CNTNAP2: variants seen among roughly 807,000 people sequenced by gnomAD.
CNTNAP2 encodes the protein contactin-associated protein-like 2.
A neutral mutation model predicts 155.2 loss-of-function variants in CNTNAP2; 98 were observed. The observed-to-expected ratio is 0.63, with a 90% CI of 0.54 to 0.75. The LOEUF is 0.75. Among genes scored for constraint, CNTNAP2 ranks in the 30% least tolerant of loss-of-function variants. The pLI is 0.00. For missense variants in CNTNAP2, 1,727 were observed against 1,688.1 expected, an observed-to-expected ratio of 1.02 and a Z score of -0.40; for synonymous variants, 651 against 631.2, an observed-to-expected ratio of 1.03 and a Z score of -0.47.
At chr7:148,399,471 T>C (rs1799539081) in intron 22 of CNTNAP2, among the ~76,000 whole-genome samples, 1 of 152,150 alleles carries the variant, frequency 6.6e-6, no homozygotes, top group Non-Finnish European at 1.5e-5. Context: ...TTTAAACGCA[T>C]CCATAGCATC....
intron 1 of CNTNAP2, among the ~76,000 whole-genome samples, chr7:146,697,246 TA>T (rs367715443): frequency 0.076 from 11,254 of 148,732 alleles, 1,424 homozygotes; most frequent in African/African-American, 0.26. Context: ...TTTATTTATT[TA>T]TTTATTTTGA....
rs1402005325 is a variant in CNTNAP2, at chr7:146,569,566, C to T, written c.98-204705C>T. 2.0e-5 allele frequency among the ~76,000 whole-genome samples: 3 copies of T among 152,170 alleles called. No individual in the cohort carries two copies. The East Asian group carries it at 5.8e-4, about 29-fold the overall frequency. On this transcript the variant is annotated intron_variant, in intron 1 of 23. Coordinates refer to ENST00000361727, the MANE Select transcript of CNTNAP2 (RefSeq NM_014141.6). The stretch of plus-strand genomic sequence containing the variant: ...TCCAACGCTCTGATTATTAGCTCAG[C>T]ACCTCTATGGTATTATAGTTCTTTT...
intron 1 of CNTNAP2, among the ~76,000 whole-genome samples, chr7:146,297,632 A>T (rs1327418599): frequency 6.6e-6 from 1 of 152,170 alleles, no homozygotes; most frequent in African/African-American, 2.4e-5. Context: ...TATGATAAGG[A>T]TTCCATGTAG....
chr7:146,328,896 A>G lies in CNTNAP2; in HGVS notation c.97+211923A>G, dbSNP rs549036270. ...TTTTTTACTACCGAATAATATTCTA[A>G]AGTTTCTATACCACATTTTCTTTAC... On this transcript the variant is annotated intron_variant, in intron 1 of 23. Coordinates refer to ENST00000361727, the MANE Select transcript of CNTNAP2 (RefSeq NM_014141.6). Among the ~76,000 whole-genome samples, 3 of 152,312 alleles carry G rather than the reference A, an allele frequency of 2.0e-5. No homozygotes were observed. The East Asian group carries it at 5.8e-4, about 29-fold the overall frequency.
At chr7:147,820,477 T>A (rs1798344507) in intron 13 of CNTNAP2, among the ~76,000 whole-genome samples, 1 of 152,138 alleles carries the variant, frequency 6.6e-6, no homozygotes, top group Non-Finnish European at 1.5e-5. Context: ...CTATTTATTT[T>A]CTTAGTGGTA....
At chr7:146,126,526 T>C (rs34058088) in intron 1 of CNTNAP2, among the ~76,000 whole-genome samples, 8,314 of 152,302 alleles carry the variant, frequency 0.055, 251 homozygotes, top group Middle Eastern at 0.11. Flanking sequence ...AATAGTCATG[T>C]AGTGAAAACA....
intron 3 of CNTNAP2, among the ~76,000 whole-genome samples, chr7:146,881,845 T>C (rs1179442043): frequency 6.6e-6 from 1 of 151,004 alleles, no homozygotes; most frequent in East Asian, 2.0e-4. Context: ...AGGGGATACA[T>C]ATGCAGCTTT....
intron 14 of CNTNAP2, among the ~76,000 whole-genome samples, chr7:147,950,991 A>G (rs1800920413): frequency 6.6e-6 from 1 of 152,196 alleles, no homozygotes; most frequent in Admixed American, 6.5e-5. Flanking sequence ...TCTTCATCCA[A>G]CTTAGGATAT....
intron 1 of CNTNAP2, among the ~76,000 whole-genome samples, chr7:146,202,723 A>G (rs932444938): frequency 2.0e-5 from 3 of 152,174 alleles, no homozygotes; most frequent in African/African-American, 7.2e-5. Context: ...AATAATATAC[A>G]AATTAAATCT....
chr7:148,198,119 G>A (rs969726712), intron 18 of CNTNAP2, among the ~76,000 whole-genome samples: 43 of 152,160 alleles, frequency 2.8e-4, no homozygotes, highest in African/African-American at 1.0e-3. Context: ...GAAGCCTGAG[G>A]GTGGCTGGTT....
chr7:146,325,427 C>T (rs1801081202), intron 1 of CNTNAP2, among the ~76,000 whole-genome samples: 1 of 152,146 alleles, frequency 6.6e-6, no homozygotes, highest in South Asian at 2.1e-4. Flanking sequence ...ATAGGTATTT[C>T]TCCGGCCAAT....
intron 1 of CNTNAP2, among the ~76,000 whole-genome samples, chr7:146,668,530 A>G (rs1178201807): frequency 6.6e-6 from 1 of 151,534 alleles, no homozygotes; most frequent in African/African-American, 2.4e-5. Context: ...GTTTGGAAGA[A>G]TTCCCTCGGC....
chr7:148,036,092 G>A (rs987795841), intron 15 of CNTNAP2, among the ~76,000 whole-genome samples: 1 of 152,132 alleles, frequency 6.6e-6, no homozygotes, highest in African/African-American at 2.4e-5. Flanking sequence ...AACTTCACAG[G>A]CTCATAGCTA....
intron 1 of CNTNAP2, among the ~76,000 whole-genome samples, chr7:146,195,375 C>T (rs566692233): frequency 6.6e-6 from 1 of 152,270 alleles, no homozygotes; most frequent in African/African-American, 2.4e-5. Flanking sequence ...GGAAACTGCA[C>T]CAGTATTGAA....
chr7:147,936,865 C>T (rs1454087338), intron 14 of CNTNAP2, among the ~76,000 whole-genome samples: 1 of 152,118 alleles, frequency 6.6e-6, no homozygotes, highest in Non-Finnish European at 1.5e-5. Flanking sequence ...TAAAGTTCTG[C>T]AGGTTTCTGT....
chr7:146,826,117 A>G (rs1390474344), intron 2 of CNTNAP2, among the ~76,000 whole-genome samples: 1 of 152,150 alleles, frequency 6.6e-6, no homozygotes, highest in African/African-American at 2.4e-5. Flanking sequence ...GGCAGATGGC[A>G]TGGAGATGTT....
intron 1 of CNTNAP2, among the ~76,000 whole-genome samples, chr7:146,643,841 C>T (rs985245893): frequency 1.3e-5 from 2 of 151,518 alleles, no homozygotes; most frequent in East Asian, 3.9e-4. Context: ...TTTCCTTGAG[C>T]AGTGGTTTGT....
At chr7:146,229,178 G>A (rs13242084) in intron 1 of CNTNAP2, among the ~76,000 whole-genome samples, 16,161 of 152,036 alleles carry the variant, frequency 0.11, 974 homozygotes, top group African/African-American at 0.16. Context: ...AATTGCCATC[G>A]GGTCACTTTT....
intron 13 of CNTNAP2, among the ~76,000 whole-genome samples, chr7:147,787,177 G>T (rs1797754571): frequency 6.6e-6 from 1 of 152,182 alleles, no homozygotes; most frequent in African/African-American, 2.4e-5. Flanking sequence ...ATTACACCAT[G>T]AAAATGGGAT....
Sources: allele counts gnomAD v4.1 joint callset (sites outside exome capture counted in the v4.1 genomes callset), GRCh38; gene constraint gnomAD v4.1.1; transcripts MANE v1.5; gene names NCBI Gene and HGNC (gene_info 2026-07-23, HGNC 2026-07-21).